Variants in UCHL3 observed in about 807,000 individuals in gnomAD.
UCHL3 encodes ubiquitin carboxyl-terminal hydrolase isozyme L3.
A neutral mutation model predicts 35.8 loss-of-function variants in UCHL3; 22 were observed. That is an observed-to-expected ratio of 0.61 (90% confidence interval 0.44 to 0.88). The LOEUF (loss-of-function observed/expected upper bound fraction) is 0.88, where lower values mean the gene tolerates loss of function less well. Ranked by LOEUF, UCHL3 falls within the 40% of genes least tolerant of loss-of-function variation. The pLI is 0.00. For missense variants in UCHL3, 229 were observed against 276.9 expected (o/e 0.83, Z 1.23); for synonymous variants, 90 against 92.8 (o/e 0.97, Z 0.17).
chr13:75,567,145 G>T, intron 4 of UCHL3, 82 bp from the exon 5 acceptor site: 1 of 1,269,892 alleles, frequency 7.9e-7, no homozygotes, highest in Non-Finnish European at 1.1e-6. Context: ...CTGAAAAATA[G>T]TAGCATACTT....
At chr13:75,568,302 G>A (rs751679897) in intron 5 of UCHL3, among the ~76,000 whole-genome samples, 5 of 151,592 alleles carry the variant, frequency 3.3e-5, no homozygotes, top group Non-Finnish European at 2.9e-5. Flanking sequence ...TAAATTAATT[G>A]GTTTGATTAT....
At chr13:75,565,151 A>G (rs1261566604) in intron 3 of UCHL3, among the ~76,000 whole-genome samples, 4 of 150,318 alleles carry the variant, frequency 2.7e-5, no homozygotes, top group African/African-American at 4.9e-5. Flanking sequence ...TTTTTCCTTT[A>G]GTTGCTTTGT....
Position 75,594,915 on chromosome 13 carries a change from G to A in UCHL3, c.475G>A (p.Ala159Thr). 3 of 1,604,150 alleles carry A rather than the reference G, an allele frequency of 1.9e-6. No individual in the cohort carries two copies. The highest frequency in any genetic ancestry group is 2.5e-6 in the Non-Finnish European group (3 of 1,177,508). The change falls in exon 7 of 9, where the codon GCA becomes ACA. Residue 159 changes from alanine (A) to threonine (T), a missense_variant and splice_region_variant. Ala to Thr is a moderately conservative substitution (Grantham distance 58, BLOSUM62 0). Transcript: ENST00000377595. ...ETSAHEGQTEAPSIDEKVDLH... is the reference protein window; with the variant it reads ...ETSAHEGQTETPSIDEKVDLH... ...TACCTATTTTTCCCTCCTATTCCAGGCACCAAGTATAGATGAGAAAGTAGA... is the reference window on the plus strand; with the variant it reads ...TACCTATTTTTCCCTCCTATTCCAGACACCAAGTATAGATGAGAAAGTAGA...
intron 7 of UCHL3, among the ~76,000 whole-genome samples, chr13:75,598,713 C>T (rs918114149): frequency 3.9e-5 from 6 of 152,162 alleles, no homozygotes; most frequent in African/African-American, 1.4e-4. Flanking sequence ...TGTCAATTTG[C>T]CCCATTACTG....
chr13:75,559,756 T>C (rs1245763362), intron 2 of UCHL3, among the ~76,000 whole-genome samples: 1 of 152,234 alleles, frequency 6.6e-6, no homozygotes, highest in Admixed American at 6.5e-5. Context: ...TACTATAATG[T>C]GTTCTTGAGG....
upstream of UCHL3, chr13:75,549,503 C>G (rs2030991167): frequency 5.5e-6 from 2 of 361,250 alleles, no homozygotes; most frequent in Non-Finnish European, 9.9e-6. Context: ...AACGCGAGCG[C>G]TCGGCAAGGC....
chr13:75,573,395 C>T (rs1364921073), intron 6 of UCHL3, among the ~76,000 whole-genome samples: 1 of 152,058 alleles, frequency 6.6e-6, no homozygotes, highest in African/African-American at 2.4e-5. Context: ...ATACATAGGT[C>T]TTTGCTGTCT....
chr13:75,585,789 A>C (rs1431700607), intron 6 of UCHL3, among the ~76,000 whole-genome samples: 1 of 152,074 alleles, frequency 6.6e-6, no homozygotes, highest in Non-Finnish European at 1.5e-5. Flanking sequence ...CTTATACTAC[A>C]TATGTAGTGG....
At chr13:75,569,439 A>G in intron 5 of UCHL3, 21 bp from the exon 6 acceptor site, 1 of 1,572,198 alleles carries the variant, frequency 6.4e-7, no homozygotes, top group South Asian at 1.3e-5. Context: ...TTTCCAATGA[A>G]TACCTTTATT....
At chr13:75,569,799 A>G (rs991243032) in intron 6 of UCHL3, among the ~76,000 whole-genome samples, 3 of 152,198 alleles carry the variant, frequency 2.0e-5, no homozygotes, top group African/African-American at 4.8e-5. Flanking sequence ...TGTCTTCCCT[A>G]TCAGATTCCT....
intron 6 of UCHL3, among the ~76,000 whole-genome samples, chr13:75,591,078 G>A (rs896801730): frequency 6.6e-6 from 1 of 152,136 alleles, no homozygotes; most frequent in Non-Finnish European, 1.5e-5. Context: ...AATTATGATG[G>A]CTTTTGAAGC....
At chr13:75,603,277 T>C (rs895252340) in intron 7 of UCHL3, among the ~76,000 whole-genome samples, 4 of 144,332 alleles carry the variant, frequency 2.8e-5, no homozygotes, top group African/African-American at 1.0e-4. Context: ...CATAACTGAG[T>C]TTATTAGCTC....
chr13:75,558,220 T>G (rs2138461683), intron 2 of UCHL3, among the ~76,000 whole-genome samples: 1 of 152,358 alleles, frequency 6.6e-6, no homozygotes, highest in African/African-American at 2.4e-5. Context: ...GGTTAAAATT[T>G]AATCAAGTTA....
chr13:75,600,023 G>A (rs1296154472), intron 7 of UCHL3, among the ~76,000 whole-genome samples: 2 of 152,216 alleles, frequency 1.3e-5, no homozygotes, highest in Non-Finnish European at 2.9e-5. Flanking sequence ...TTGCTGATAT[G>A]GAGAAAGTTT....
chr13:75,590,345 TG>T, intron 6 of UCHL3: 1 of 666,522 alleles, frequency 1.5e-6, no homozygotes, highest in Non-Finnish European at 1.9e-6. Flanking sequence ...CTCCATATCC[TG>T]CCAACATAAC....
At chr13:75,594,722 C>G (rs1247613039) in intron 6 of UCHL3, among the ~76,000 whole-genome samples, 193 bp from the exon 7 acceptor site, 2 of 152,112 alleles carry the variant, frequency 1.3e-5, no homozygotes. Flanking sequence ...GTTTTCTTTG[C>G]CGATAACTGA....
chr13:75,584,709 T>C (rs893143645), intron 6 of UCHL3, among the ~76,000 whole-genome samples: 5 of 152,052 alleles, frequency 3.3e-5, no homozygotes, highest in Non-Finnish European at 7.4e-5. Flanking sequence ...GTGGAAAAGA[T>C]GGAAAACATG....
intron 2 of UCHL3, among the ~76,000 whole-genome samples, chr13:75,554,952 T>C (rs1001888528): frequency 6.6e-6 from 1 of 152,220 alleles, no homozygotes; most frequent in Non-Finnish European, 1.5e-5. Flanking sequence ...TTTGTATCCA[T>C]GTGTTCTCAT....
chr13:75,599,107 T>C lies in UCHL3; in HGVS notation c.550+4117T>C, dbSNP rs1025100316. Among the ~76,000 whole-genome samples the C allele has an allele frequency of 2.0e-5, 3 of 151,548 alleles. No individual in the cohort carries two copies. The East Asian group carries it at 5.8e-4, about 29-fold the overall frequency. ...TCACAGCCTCCTGAGTAGCTGGGAC[T>C]GTAGGCCTGTGCCACCATGCCTGGC... On this transcript the variant is annotated intron_variant, in intron 7 of 8. Coordinates refer to ENST00000377595, the MANE Select transcript of UCHL3 (RefSeq NM_006002.5).
Sources: gnomAD v4.1 joint callset for allele counts (sites outside exome capture counted in the v4.1 genomes callset) on GRCh38, gnomAD v4.1.1 for gene constraint, MANE v1.5 for transcripts, NCBI Gene and HGNC (gene_info 2026-07-23, HGNC 2026-07-21) for gene names.